Variants in IL18RAP observed in about 807,000 individuals in gnomAD.
The protein encoded by IL18RAP is interleukin-18 receptor accessory protein.
IL18RAP carries 37 observed loss-of-function variants against 58.1 expected under a neutral mutation model. The ratio of observed to expected loss-of-function variants is 0.64; its 90% CI spans 0.49 to 0.84. The LOEUF (loss-of-function observed/expected upper bound fraction) is 0.84. Ranked by LOEUF, IL18RAP falls within the 40% of genes least tolerant of loss-of-function variation. IL18RAP has a pLI of 0.00. For missense variants in IL18RAP, 667 were observed against 704.8 expected (o/e 0.95, Z 0.61); for synonymous variants, 268 against 257.5 (o/e 1.04, Z -0.39).
At chr2:102,436,673 CAG>C (rs1485942544) in intron 3 of IL18RAP, among the ~76,000 whole-genome samples, 2 of 140,692 alleles carry the variant, frequency 1.4e-5, no homozygotes, top group Admixed American at 6.9e-5. Flanking sequence ...CCAGCTTTGT[CAG>C]AGAGAGAAAA....
At chr2:102,433,727 G>A (rs1682550896) in intron 3 of IL18RAP, among the ~76,000 whole-genome samples, 2 of 151,608 alleles carry the variant, frequency 1.3e-5, no homozygotes, top group Non-Finnish European at 2.9e-5. Context: ...TGTATTTTTA[G>A]CAGAGATGGG....
In IL18RAP at chr2:102,447,078, C is replaced by T; in HGVS notation, c.1081C>T (p.Leu361=). Residue 361 remains leucine (L), a synonymous_variant, in exon 8 of 10, where the codon CTG becomes TTG. Coordinates refer to ENST00000687160, the MANE Select transcript of IL18RAP (RefSeq NM_001393487.1). The part of the protein sequence containing the change: ...QLKEKRGVVL[L]YILLGTIGTL... The stretch of plus-strand genomic sequence containing the variant: ...TGGCCCTGTCTCCACAGTGGTGCTC[C>T]TGTACATCCTGCTTGGCACCATCGG... 1 of 1,613,940 alleles carries T rather than the reference C, an allele frequency of 6.2e-7. No homozygotes were observed. Among genetic ancestry groups the T allele is most frequent in the South Asian group, 1.1e-5 (1 of 91,062 alleles).
intron 7 of IL18RAP, 147 bp downstream of exon 7, chr2:102,445,487 T>C: frequency 1.3e-6 from 1 of 789,702 alleles, no homozygotes. Context: ...TGTCAACCCA[T>C]TTAATACCTT....
chr2:102,451,732 A>G, intron 9 of IL18RAP, 34 bp from the exon 10 acceptor site: 1 of 1,563,180 alleles, frequency 6.4e-7, no homozygotes, highest in Non-Finnish European at 8.7e-7. Flanking sequence ...GTTTAACAAT[A>G]TCCATTGCAA....
intron 9 of IL18RAP, 151 bp from the exon 10 acceptor site, chr2:102,451,615 G>GT: frequency 1.5e-6 from 1 of 653,202 alleles, no homozygotes; most frequent in South Asian, 2.0e-5. Context: ...ACACTGGAGC[G>GT]TATCTCCAAC....
At chr2:102,450,746 T>C (rs1683711135) in intron 8 of IL18RAP, 102 bp from the exon 9 acceptor site, 1 of 608,536 alleles carries the variant, frequency 1.6e-6, no homozygotes, top group Admixed American at 3.8e-5. Flanking sequence ...CAAATATTAT[T>C]TCTTATTCAT....
At chr2:102,431,648 C>T (rs55978515) in intron 3 of IL18RAP, among the ~76,000 whole-genome samples, 7,400 of 151,950 alleles carry the variant, frequency 0.049, 277 homozygotes, top group East Asian at 0.17. Flanking sequence ...TCTGACATCA[C>T]GGATGCTTTC....
chr2:102,445,055 T>C (rs939542664), intron 6 of IL18RAP, 134 bp from the exon 7 acceptor site: 8 of 655,782 alleles, frequency 1.2e-5, no homozygotes, highest in Non-Finnish European at 2.1e-5. Context: ...TCTTACATTC[T>C]CGTGGTATCT....
chr2:102,424,818 C>G (rs6748998), intron 3 of IL18RAP, among the ~76,000 whole-genome samples: 2 of 152,122 alleles, frequency 1.3e-5, no homozygotes, highest in South Asian at 2.1e-4. Flanking sequence ...GTTACAGGAG[C>G]CTGAAATACA....
intron 5 of IL18RAP, among the ~76,000 whole-genome samples, chr2:102,442,670 A>C (rs1299031108): frequency 6.6e-6 from 1 of 152,238 alleles, no homozygotes; most frequent in Non-Finnish European, 1.5e-5. Context: ...AAAAATGGGT[A>C]GAAAAAAGTT....
intron 4 of IL18RAP, among the ~76,000 whole-genome samples, chr2:102,438,498 G>C (rs959752739): frequency 1.3e-5 from 2 of 152,128 alleles, no homozygotes; most frequent in African/African-American, 4.8e-5. Context: ...ATTGCTTCTT[G>C]AAAGAGAAGT....
Position 102,445,083 on chromosome 2 carries a change from A to G in IL18RAP, c.921-106A>G, listed in dbSNP as rs1683331139. On this transcript the variant is annotated intron_variant, in intron 6 of 9. Transcript: ENST00000687160. ...TGGTATCTTATACTATTGATCTCAC[A>G]GTTCTCTAAAAGCCAAACTGTTGGC... The G allele has an allele frequency of 7.8e-6, 7 of 900,578 alleles. No individual in the cohort carries two copies. In the Admixed American group the frequency reaches 1.6e-4, roughly 20 times the overall value. 55.8% of individuals were successfully genotyped at this position (900,578 alleles called of 1,614,324 possible).
In IL18RAP at chr2:102,436,777, T is replaced by TTA. The variant is rs1241403214; in HGVS notation, c.580-427_580-426dup. Among the ~76,000 whole-genome samples, 31 of 148,352 alleles carry TTA rather than the reference T, an allele frequency of 2.1e-4. 1 individual carries two copies. Among genetic ancestry groups the TTA allele is most frequent in the Admixed American group, 1.1e-3 (17 of 14,858 alleles). On this transcript the variant is annotated intron_variant, in intron 3 of 9. Coordinates refer to ENST00000687160, the MANE Select transcript of IL18RAP (RefSeq NM_001393487.1). ...TATACGTAAATATATACAATATATG[T>TTA]TATATATATGTGTGTGTATGTATAT...
chr2:102,441,083 T>A (rs1379131356), intron 4 of IL18RAP, among the ~76,000 whole-genome samples: 1 of 152,126 alleles, frequency 6.6e-6, no homozygotes, highest in Non-Finnish European at 1.5e-5. Context: ...CAGATATGGA[T>A]CAATTAACAA....
chr2:102,444,582 C>A (rs1683301397), intron 6 of IL18RAP, among the ~76,000 whole-genome samples: 1 of 152,212 alleles, frequency 6.6e-6, no homozygotes, highest in South Asian at 2.1e-4. Flanking sequence ...CACAAGATTT[C>A]TTAACACAAA....
At chr2:102,441,139 G>A (rs1683077995) in intron 4 of IL18RAP, among the ~76,000 whole-genome samples, 173 bp from the exon 5 acceptor site, 1 of 152,200 alleles carries the variant, frequency 6.6e-6, no homozygotes, top group Non-Finnish European at 1.5e-5. Context: ...AGTCATTTTA[G>A]GGGGCAAGCT....
chr2:102,440,207 G>C (rs575243013), intron 4 of IL18RAP: 1 of 152,454 alleles, frequency 6.6e-6, no homozygotes, highest in African/African-American at 2.4e-5. Flanking sequence ...ATAGTTAAAA[G>C]AGACACAGAG....
chr2:102,422,827 C>T (rs1320041739), upstream of IL18RAP, among the ~76,000 whole-genome samples: 3 of 152,126 alleles, frequency 2.0e-5, no homozygotes, highest in African/African-American at 4.8e-5. Flanking sequence ...AAAAATCTGA[C>T]AGTTTTATTC....
Position 102,437,244 on chromosome 2 carries a change from C to T in IL18RAP, c.612C>T (p.Asn204=). ...NGKLLSVERS[N]RIVVDEVYDY... is the part of the protein sequence containing the mutation. ...AACTCCTCTCTGTGGAAAGGAGCAA[C>T]CGAATCGTAGTGGATGAAGTTTATG... is the stretch of plus-strand genomic sequence containing the variant. Residue 204 remains asparagine (N), a synonymous_variant, in exon 4 of 10, where the codon AAC becomes AAT. Transcript: ENST00000687160. 1 of 1,612,530 alleles carries T rather than the reference C, an allele frequency of 6.2e-7. No individual in the cohort carries two copies. The highest frequency in any genetic ancestry group is 1.1e-5 in the South Asian group (1 of 90,674).
Sources: allele counts gnomAD v4.1 joint callset (sites outside exome capture counted in the v4.1 genomes callset), GRCh38; gene constraint gnomAD v4.1.1; transcripts MANE v1.5; gene names NCBI Gene and HGNC (gene_info 2026-07-23, HGNC 2026-07-21).